The following PDXK variants were observed in gnomAD, a reference collection of about 807,000 sequenced individuals.
PDXK encodes the protein epididymis secretory sperm binding protein Li 1a.
A neutral mutation model predicts 43.2 loss-of-function variants in PDXK; 15 were observed. The observed-to-expected ratio is 0.35, with a 90% CI of 0.23 to 0.53. The LOEUF (loss-of-function observed/expected upper bound fraction) is 0.53, where lower values mean the gene tolerates loss of function less well. Among genes scored for constraint, PDXK ranks in the 20% least tolerant of loss-of-function variants. The pLI is 0.92. For synonymous variants in PDXK, 172 were observed against 165.4 expected, an observed-to-expected ratio of 1.04 and a Z score of -0.31; for missense variants, 343 against 417.0, an observed-to-expected ratio of 0.82 and a Z score of 1.54.
In PDXK at chr21:43,719,146, G is replaced by C; in HGVS notation, c.-149G>C. 3.0e-6 allele frequency: 1 copy of C among 333,670 alleles called. No homozygotes were observed. The allele number at this position is 333,670 out of a possible 1,614,324, so 20.7% of individuals were successfully genotyped here. On this transcript the variant is annotated 5_prime_UTR_variant, in exon 1 of 11. Coordinates refer to ENST00000291565, the MANE Select transcript of PDXK (RefSeq NM_003681.5). ...CCGCTGAGGTCAGAAGGAGGCGTCT[G>C]CGCTGATCGGGTCCGCCGCGCGCCA...
chr21:43,741,594 G>A (rs779912496), intron 2 of PDXK, 73 bp from the exon 3 acceptor site: 10 of 1,581,016 alleles, frequency 6.3e-6, no homozygotes, highest in Middle Eastern at 1.9e-4. Flanking sequence ...GAGAGTGGGC[G>A]GGTGTCAAGG....
chr21:43,755,573 C>T (rs1466743180), intron 9 of PDXK, 125 bp from the exon 10 acceptor site: 3 of 827,218 alleles, frequency 3.6e-6, no homozygotes, highest in Non-Finnish European at 4.1e-6. Context: ...TTGGCGGAGC[C>T]GGCTCCCCGG....
intron 2 of PDXK, 48 bp from the exon 3 acceptor site, chr21:43,741,619 C>T (rs968350568): frequency 1.3e-6 from 2 of 1,596,960 alleles, no homozygotes; most frequent in African/African-American, 1.3e-5. Flanking sequence ...CCCACGGCCC[C>T]AGCTGGCCCC....
Position 43,756,163 on chromosome 21 carries a change from G to C in PDXK, c.*100G>C. ...TGCCTTAGAGCCATGACCGAAACTT[G>C]ATATTTTTTTCTTTCATGAGTGTCC... On this transcript the variant is annotated 3_prime_UTR_variant, in exon 11 of 11. Transcript: ENST00000291565. 1 of 677,486 alleles carries C rather than the reference G, an allele frequency of 1.5e-6. No homozygotes were observed. Among genetic ancestry groups the C allele is most frequent in the South Asian group, 1.8e-5 (1 of 54,384 alleles). 42.0% of individuals were successfully genotyped at this position (677,486 alleles called of 1,614,324 possible). A position where few individuals can be genotyped will look rare whatever the true frequency, so the allele number is the denominator to read the frequency against.
intron 1 of PDXK, among the ~76,000 whole-genome samples, chr21:43,725,210 C>A (rs2083241905): frequency 6.6e-6 from 1 of 152,108 alleles, no homozygotes; most frequent in African/African-American, 2.4e-5. Context: ...GTAGTCTCAG[C>A]TGCTTGGGAG....
chr21:43,745,038 T>C (rs115641678), intron 4 of PDXK, among the ~76,000 whole-genome samples: 1 of 152,316 alleles, frequency 6.6e-6, no homozygotes, highest in African/African-American at 2.4e-5. Context: ...GATCCCGCTA[T>C]CTGAAATAGC....
Position 43,755,938 on chromosome 21 carries a change from G to A in PDXK, c.827-13G>A. 6.3e-7 allele frequency: 1 copy of A among 1,592,574 alleles called. No individual in the cohort carries two copies. ...CTGAGATGGGAACTCAGTGCTCTCT[G>A]CCTGCCCCGCAGCCCAGGCCGGGGA... On this transcript the variant is annotated splice_polypyrimidine_tract_variant and intron_variant, in intron 10 of 10. Coordinates refer to ENST00000291565, the MANE Select transcript of PDXK (RefSeq NM_003681.5).
intron 1 of PDXK, among the ~76,000 whole-genome samples, chr21:43,725,774 C>T (rs1166685842): frequency 6.6e-6 from 1 of 151,982 alleles, no homozygotes; most frequent in African/African-American, 2.4e-5. Context: ...TGCACCACTG[C>T]ACTCCAGCCC....
chr21:43,741,774 A>G lies in PDXK; in HGVS notation c.247+3A>G, dbSNP rs760361490. 8 of 1,589,484 alleles carry G rather than the reference A, an allele frequency of 5.0e-6. No individual in the cohort carries two copies. The East Asian group carries it at 1.8e-4, about 36-fold the overall frequency. On this transcript the variant is annotated splice_donor_region_variant and intron_variant, in intron 3 of 10. Coordinates refer to ENST00000291565, the MANE Select transcript of PDXK (RefSeq NM_003681.5). The stretch of plus-strand genomic sequence containing the variant: ...TAAATATGACTACGTGCTCACAGGT[A>G]GGTGCCGGAGCAAGCTGCCGCAGGG...
At chr21:43,750,910 G>A (rs111339726) in intron 7 of PDXK, among the ~76,000 whole-genome samples, 23 of 66,586 alleles carry the variant, frequency 3.5e-4, no homozygotes, top group East Asian at 1.3e-3. Context: ...GGGTGTGCAC[G>A]CATGTGTGCA....
Position 43,751,915 on chromosome 21 carries a change from G to A in PDXK, c.511-603G>A, listed in dbSNP as rs146059267. ...GGGCTGCGTTCCCAAGCAGCCTGGC[G>A]CTGCCCTGAATTTTGTCTTCACAAC... On this transcript the variant is annotated intron_variant, in intron 7 of 10. Transcript: ENST00000291565. Among the ~76,000 whole-genome samples, 368 of 152,308 alleles carry A rather than the reference G, an allele frequency of 2.4e-3. 4 individuals are homozygous for A. Among genetic ancestry groups the A allele is most frequent in the Admixed American group, 0.017 (264 of 15,294 alleles).
At chr21:43,730,904 A>G (rs1422029546) in intron 1 of PDXK, among the ~76,000 whole-genome samples, 2 of 152,218 alleles carry the variant, frequency 1.3e-5, no homozygotes, top group African/African-American at 4.8e-5. Context: ...GTAGTGAGCT[A>G]TGATTGTGCC....
At position 43,737,682 on chromosome 21, in the gene PDXK, C is replaced by G. The variant is rs2083427764; in HGVS notation, c.142+3559C>G. The G allele has an allele frequency of 1.4e-6, 1 of 730,120 alleles. No homozygotes were observed. The highest frequency in any genetic ancestry group is 8.1e-5 in the Admixed American group (1 of 12,322). The allele number at this position is 730,120 out of a possible 1,614,324, so 45.2% of individuals were successfully genotyped here. A position where few individuals can be genotyped will look rare whatever the true frequency, so the allele number is the denominator to read the frequency against. On this transcript the variant is annotated intron_variant, in intron 2 of 10. Coordinates refer to ENST00000291565, the MANE Select transcript of PDXK (RefSeq NM_003681.5). This position sits in a 1 kb window ranked among gnomAD's most constrained non-coding sequence, Gnocchi z 4.8. Reference sequence around the variant, plus strand: ...GGAGAAGGCCAGGGCCAGGAGCCTGCCGACGGACACCAGCGAGGGGCCAGG... The same window carrying G: ...GGAGAAGGCCAGGGCCAGGAGCCTGGCGACGGACACCAGCGAGGGGCCAGG...
chr21:43,745,084 G>A (rs1017841582), intron 4 of PDXK, among the ~76,000 whole-genome samples: 5 of 152,150 alleles, frequency 3.3e-5, no homozygotes, highest in African/African-American at 7.2e-5. Flanking sequence ...GAAAGCAGAC[G>A]AAGGCTCGTC....
chr21:43,740,366 G>T (rs1052123716), intron 2 of PDXK, among the ~76,000 whole-genome samples: 1 of 152,118 alleles, frequency 6.6e-6, no homozygotes, highest in Non-Finnish European at 1.5e-5. Context: ...CGCAGAGCCG[G>T]CCGTGACCCA....
chr21:43,734,024 A>G lies in PDXK; in HGVS notation c.88-45A>G, dbSNP rs2083363960. 3.7e-6 allele frequency: 6 copies of G among 1,600,690 alleles called. No homozygotes were observed. Among genetic ancestry groups the G allele is most frequent in the Non-Finnish European group, 3.4e-6 (4 of 1,168,070 alleles). ...CACCTGCTGGGGTTCGTGGGACCCC[A>G]GACCTGGCTCTCTTACGCCTACCTG... On this transcript the variant is annotated intron_variant, in intron 1 of 10. Transcript: ENST00000291565. This position sits in a 1 kb window ranked among gnomAD's most constrained non-coding sequence, Gnocchi z 5.0.
rs1335702799 is a variant in PDXK, at chr21:43,737,031, G to A, written c.142+2908G>A. The A allele has an allele frequency of 1.4e-6, 1 of 717,150 alleles. No homozygotes were observed. The allele number at this position is 717,150 out of a possible 1,614,324, so 44.4% of individuals were successfully genotyped here. On this transcript the variant is annotated intron_variant, in intron 2 of 10. Coordinates refer to ENST00000291565, the MANE Select transcript of PDXK (RefSeq NM_003681.5). This position sits in a 1 kb window ranked among gnomAD's most constrained non-coding sequence, Gnocchi z 4.8. Reference sequence around the variant, plus strand: ...CACTGCAGCCTTGACCTCCTGGGCTGAAGCAATCTTTCTGCCTCCACCTCC... The same window carrying A: ...CACTGCAGCCTTGACCTCCTGGGCTAAAGCAATCTTTCTGCCTCCACCTCC...
chr21:43,754,358 T>C lies in PDXK; in HGVS notation c.759+639T>C, dbSNP rs900516067. 1.3e-5 allele frequency among the ~76,000 whole-genome samples: 2 copies of C among 152,184 alleles called. No individual in the cohort carries two copies. The highest frequency in any genetic ancestry group is 4.8e-5 in the African/African-American group (2 of 41,446). ...GTTGGGATGTGGGGTCTCGTGAGCC[T>C]TTCTCGTGTGTCCCATGGGTAAGCA... On this transcript the variant is annotated intron_variant, in intron 9 of 10. Coordinates refer to ENST00000291565, the MANE Select transcript of PDXK (RefSeq NM_003681.5). This position sits in a 1 kb window ranked among gnomAD's most constrained non-coding sequence, Gnocchi z 5.5.
chr21:43,750,929 CGTATGT>C (rs2083735586), intron 7 of PDXK, among the ~76,000 whole-genome samples: 1 of 127,074 alleles, frequency 7.9e-6, no homozygotes, highest in Non-Finnish European at 1.7e-5. Flanking sequence ...CATGTGTGTG[CGTATGT>C]GTGCACGTGT....
Sources: gnomAD v4.1 joint callset for allele counts (sites outside exome capture counted in the v4.1 genomes callset) on GRCh38, gnomAD v4.1.1 for gene constraint, Gnocchi (gnomAD v3.1) non-coding constraint, MANE v1.5 for transcripts, NCBI Gene and HGNC (gene_info 2026-07-23, HGNC 2026-07-21) for gene names.